VAV1: variants seen among roughly 807,000 people sequenced by gnomAD.
VAV1 encodes vav guanine nucleotide exchange factor 1, also known as proto-oncogene vav.
In VAV1, 33 loss-of-function variants were observed where a neutral mutation model predicts 128.1. The observed-to-expected ratio is 0.26, with a 90% confidence interval of 0.20 to 0.34. The LOEUF is 0.34. VAV1 is among the 10% of genes least tolerant of loss of function. The pLI is 1.00. For missense variants in VAV1, 715 were observed against 1,093.7 expected (o/e 0.65, Z 4.88); for synonymous variants, 394 against 409.8 (o/e 0.96, Z 0.47).
chr19:6,843,254 A>G lies in VAV1; in HGVS notation c.2012+88A>G. 17 of 1,447,918 alleles carry G rather than the reference A, an allele frequency of 1.2e-5. No homozygotes were observed. The East Asian group carries it at 3.9e-4, about 33-fold the overall frequency. 89.7% of individuals were successfully genotyped at this position (1,447,918 alleles called of 1,614,324 possible). A position where few individuals can be genotyped will look rare whatever the true frequency, so the allele number is the denominator to read the frequency against. On this transcript the variant is annotated intron_variant, in intron 22 of 26. Coordinates refer to ENST00000602142, the MANE Select transcript of VAV1 (RefSeq NM_005428.4). ...TATGGGAGGAACCTCCGAGCCAATT[A>G]GTTATGCATTCTGTGATCCCTGAGC...
At chr19:6,787,961 C>T (rs953422488) in intron 1 of VAV1, among the ~76,000 whole-genome samples, 2 of 151,866 alleles carry the variant, frequency 1.3e-5, no homozygotes, top group Non-Finnish European at 2.9e-5. Flanking sequence ...CCTGTAGTCC[C>T]AGCTACTTGG....
At chr19:6,854,181 G>A in intron 26 of VAV1, 83 bp downstream of exon 26, 1 of 1,530,172 alleles carries the variant, frequency 6.5e-7, no homozygotes. Context: ...GACTGGAGAA[G>A]GTGAGGTGCG....
At position 6,797,077 on chromosome 19, in the gene VAV1, C is replaced by G. The variant is rs183835491; in HGVS notation, c.205-23625C>G. Among the ~76,000 whole-genome samples, 8 of 151,990 alleles carry G rather than the reference C, an allele frequency of 5.3e-5. No individual in the cohort carries two copies. In the East Asian group the frequency reaches 1.4e-3, roughly 26 times the overall value. ...CAAAACCCTGTCTCCACTAAAAATA[C>G]AAAAATTAGCCAGGCATGGTGGCAG... On this transcript the variant is annotated intron_variant, in intron 1 of 26. Coordinates refer to ENST00000602142, the MANE Select transcript of VAV1 (RefSeq NM_005428.4).
chr19:6,782,690 G>A (rs2546143), intron 1 of VAV1, among the ~76,000 whole-genome samples: 32,897 of 151,808 alleles, frequency 0.22, 3,688 homozygotes, highest in African/African-American at 0.25. Flanking sequence ...GACTAGCTTG[G>A]GCAACATACA....
At chr19:6,804,740 T>C (rs1855266516) in intron 1 of VAV1, among the ~76,000 whole-genome samples, 1 of 149,852 alleles carries the variant, frequency 6.7e-6, no homozygotes, top group Non-Finnish European at 1.5e-5. Context: ...TTTTTTTTTT[T>C]TGAGACGGAG....
chr19:6,825,474 G>C, intron 8 of VAV1, 68 bp downstream of exon 8: 1 of 1,383,238 alleles, frequency 7.2e-7, no homozygotes, highest in South Asian at 1.2e-5. Flanking sequence ...GCATCTGAGA[G>C]ACCTTACCCT....
At chr19:6,778,086 G>C (rs920197836) in intron 1 of VAV1, among the ~76,000 whole-genome samples, 1 of 152,156 alleles carries the variant, frequency 6.6e-6, no homozygotes, top group Non-Finnish European at 1.5e-5. Flanking sequence ...ACAGATGCGT[G>C]CCACCATGCC....
At position 6,847,977 on chromosome 19, in the gene VAV1, G is replaced by C. The variant is rs968096870; in HGVS notation, c.2013-21G>C. 2.7e-6 allele frequency: 4 copies of C among 1,485,976 alleles called. No individual in the cohort carries two copies. The East Asian group carries it at 8.2e-5, about 30-fold the overall frequency. 92.0% of individuals were successfully genotyped at this position (1,485,976 alleles called of 1,614,324 possible). Reference sequence around the variant, plus strand: ...CAGGCACGGGGACCGTGCCACCTCTGTCCTTGGTGTCTCTTTGCAGGTACG... The same window carrying C: ...CAGGCACGGGGACCGTGCCACCTCTCTCCTTGGTGTCTCTTTGCAGGTACG... On this transcript the variant is annotated intron_variant, in intron 22 of 26. Coordinates refer to ENST00000602142, the MANE Select transcript of VAV1 (RefSeq NM_005428.4).
chr19:6,851,501 G>T (rs1599684272), intron 24 of VAV1, among the ~76,000 whole-genome samples: 1 of 152,180 alleles, frequency 6.6e-6, no homozygotes, highest in East Asian at 1.9e-4. Context: ...GTTATAGATA[G>T]AAACCTAATT....
intron 1 of VAV1, among the ~76,000 whole-genome samples, chr19:6,778,376 C>T (rs982027870): frequency 3.3e-5 from 5 of 152,112 alleles, no homozygotes; most frequent in African/African-American, 1.2e-4. Context: ...TGGGCAGCTG[C>T]TGGGGCCAAG....
At chr19:6,856,410 G>A (rs1351789884) in intron 26 of VAV1, among the ~76,000 whole-genome samples, 1 of 151,788 alleles carries the variant, frequency 6.6e-6, no homozygotes, top group African/African-American at 2.4e-5. Context: ...GGTGATATGT[G>A]CTATAGAAAA....
rs1383635049 is a variant in VAV1 at position 6,834,870 on chromosome 19, G to A, written c.1777+917G>A. ...TGTCTGTGATCCCAGCACTTTGAGA[G>A]GCCAAGGCCAGGAGTTTGAGACAAG... On this transcript the variant is annotated intron_variant, in intron 19 of 26. Coordinates refer to ENST00000602142, the MANE Select transcript of VAV1 (RefSeq NM_005428.4). 5.3e-5 allele frequency among the ~76,000 whole-genome samples: 8 copies of A among 151,178 alleles called. No individual in the cohort carries two copies. The East Asian group carries it at 9.7e-4, about 18-fold the overall frequency.
chr19:6,836,989 G>A lies in VAV1; in HGVS notation c.1919G>A (p.Arg640Lys), dbSNP rs1239964889. Residue 640 changes from arginine to lysine, a missense_variant, in exon 21 of 27, where the codon AGA becomes AAA. Physicochemically the swap from Arg to Lys is conservative, Grantham distance 26. This residue lies in a region of VAV1 where 407 missense variants were observed against 580.6 expected (regional missense o/e 0.70). Coordinates refer to ENST00000602142, the MANE Select transcript of VAV1 (RefSeq NM_005428.4). ...AEAEQNWWEG[R>K]NTSTNEIGWF... is the part of the protein sequence containing the mutation. ...TTTTGTCTCCTGGGTGTTTAGGGCA[G>A]AAATACATCTACTAATGAAATTGGC... 6.2e-7 allele frequency: 1 copy of A among 1,614,118 alleles called. No homozygotes were observed. Among genetic ancestry groups the A allele is most frequent in the Admixed American group, 1.7e-5 (1 of 60,020 alleles).
At chr19:6,844,345 A>G (rs1972463268) in intron 22 of VAV1, among the ~76,000 whole-genome samples, 1 of 151,210 alleles carries the variant, frequency 6.6e-6, no homozygotes, top group Non-Finnish European at 1.5e-5. Flanking sequence ...CAGCCTCCCG[A>G]GCTGGGATTA....
chr19:6,820,932 A>C lies in VAV1; in HGVS notation c.321+114A>C. On this transcript the variant is annotated intron_variant, in intron 2 of 26. Coordinates refer to ENST00000602142, the MANE Select transcript of VAV1 (RefSeq NM_005428.4). This position sits in a 1 kb window ranked among gnomAD's most constrained non-coding sequence, Gnocchi z 4.4. ...AGGCAGACAAGCCAGACCAGGCCAT[A>C]TACAAGACGCAAATAGCACTGGCTT... The C allele has an allele frequency of 1.0e-6, 1 of 979,124 alleles. No homozygotes were observed. Among genetic ancestry groups the C allele is most frequent in the Non-Finnish European group, 1.6e-6 (1 of 626,138 alleles). The allele number at this position is 979,124 out of a possible 1,614,324, so 60.7% of individuals were successfully genotyped here. A position where few individuals can be genotyped will look rare whatever the true frequency, so the allele number is the denominator to read the frequency against.
In VAV1 at chr19:6,779,226, A is replaced by AT. The variant is rs752775726; in HGVS notation, c.204+6221dup. Among the ~76,000 whole-genome samples, 33 of 150,492 alleles carry AT rather than the reference A, an allele frequency of 2.2e-4. 1 individual carries two copies. Among genetic ancestry groups the AT allele is most frequent in the Non-Finnish European group, 4.2e-4 (28 of 67,258 alleles). ...ACCAGCAATACCTGGCTAATTTTTT[A>AT]TTTTTTGTAGAGATGGGGTTTTGCT... is the stretch of plus-strand genomic sequence containing the variant. On this transcript the variant is annotated intron_variant, in intron 1 of 26. Coordinates refer to ENST00000602142, the MANE Select transcript of VAV1 (RefSeq NM_005428.4).
chr19:6,836,955 T>C, intron 20 of VAV1, 30 bp from the exon 21 acceptor site: 6 of 1,612,656 alleles, frequency 3.7e-6, no homozygotes, highest in Non-Finnish European at 4.2e-6. Flanking sequence ...ATAACCTCTC[T>C]GTTCCTGTTT....
chr19:6,852,728 A>G (rs1370517531), intron 24 of VAV1, among the ~76,000 whole-genome samples: 1 of 151,810 alleles, frequency 6.6e-6, no homozygotes, highest in Non-Finnish European at 1.5e-5. Context: ...CTCAAAGAAA[A>G]AAAAAAAAGA....
intron 19 of VAV1, among the ~76,000 whole-genome samples, chr19:6,835,156 T>G (rs371433556): frequency 4.2e-4 from 63 of 151,420 alleles, no homozygotes; most frequent in African/African-American, 1.5e-3. Context: ...GAGTCAAAAT[T>G]AGAAACAACC....
Sources: allele counts gnomAD v4.1 joint callset (sites outside exome capture counted in the v4.1 genomes callset), GRCh38; gene constraint gnomAD v4.1.1; regional missense constraint gnomAD v4.1.1; non-coding constraint Gnocchi (gnomAD v3.1); transcripts MANE v1.5; gene names NCBI Gene and HGNC (gene_info 2026-07-23, HGNC 2026-07-21).